The following ACTR3C variants were observed in gnomAD, a reference collection of about 807,000 sequenced individuals.
ACTR3C encodes actin related protein 3C.
Under a neutral mutation model 26.3 loss-of-function variants are expected in ACTR3C, and 18 were observed. That is an observed-to-expected ratio of 0.68 (90% CI 0.47 to 1.01). The LOEUF (loss-of-function observed/expected upper bound fraction) is 1.01, where lower values mean the gene tolerates loss of function less well. Ranked by LOEUF, ACTR3C falls within the 50% of genes least tolerant of loss-of-function variation. The probability of loss-of-function intolerance (pLI) is 0.00; values close to 1 mark genes in which losing one functional copy is unlikely to be tolerated. For synonymous variants in ACTR3C, 55 were observed against 94.5 expected (o/e 0.58, Z 2.42); for missense variants, 184 against 250.7 (o/e 0.73, Z 1.80).
At chr7:150,127,987 T>C in the ACTR3C span, among the ~76,000 whole-genome samples, 1 of 151,280 alleles carries the variant, frequency 6.6e-6, no homozygotes, top group African/African-American at 2.4e-5. Context: ...TAGACTATTT[T>C]ACACATGGCA....
intron 6 of ACTR3C, among the ~76,000 whole-genome samples, chr7:150,253,910 G>A (rs1443272492): frequency 6.9e-6 from 1 of 145,190 alleles, no homozygotes; most frequent in African/African-American, 2.6e-5. Flanking sequence ...TTTTTTTCGT[G>A]TTTTTTTTTT....
At chr7:150,183,578 T>C in the ACTR3C span, among the ~76,000 whole-genome samples, 2 of 149,624 alleles carry the variant, frequency 1.3e-5, no homozygotes, top group African/African-American at 5.1e-5. Flanking sequence ...CACATGTAAG[T>C]TTTAATTGTC....
At chr7:150,029,507 C>T in the ACTR3C span, among the ~76,000 whole-genome samples, 1 of 151,750 alleles carries the variant, frequency 6.6e-6, no homozygotes, top group African/African-American at 2.4e-5. Flanking sequence ...TTCGAGGTTG[C>T]AGTGAGCTAT....
chr7:150,071,165 C>A, the ACTR3C span, among the ~76,000 whole-genome samples: 1 of 151,678 alleles, frequency 6.6e-6, no homozygotes, highest in Non-Finnish European at 1.5e-5. Flanking sequence ...GCTCTGTCAC[C>A]CAGGCTGGAG....
intron 1 of ACTR3C, among the ~76,000 whole-genome samples, chr7:150,315,896 T>C (rs912900685): frequency 1.3e-5 from 2 of 152,162 alleles, no homozygotes; most frequent in Non-Finnish European, 2.9e-5. Flanking sequence ...AGTTTCCTTA[T>C]ATTTAAAAAC....
At chr7:150,180,232 G>C in the ACTR3C span, among the ~76,000 whole-genome samples, 1 of 150,052 alleles carries the variant, frequency 6.7e-6, no homozygotes, top group South Asian at 2.1e-4. Context: ...GTGAACCCGG[G>C]AGGCGGAGCT....
chr7:150,279,903 C>A (rs974947246), intron 6 of ACTR3C, among the ~76,000 whole-genome samples: 1 of 152,104 alleles, frequency 6.6e-6, no homozygotes, highest in South Asian at 2.1e-4. Flanking sequence ...AGACAAGAAC[C>A]GAATCATCTC....
the ACTR3C span, among the ~76,000 whole-genome samples, chr7:150,210,893 A>T: frequency 6.9e-6 from 1 of 144,656 alleles, no homozygotes; most frequent in South Asian, 2.1e-4. Context: ...AGTCAACTAT[A>T]CCTCAATGTA....
chr7:150,094,434 T>C, the ACTR3C span, among the ~76,000 whole-genome samples: 1 of 150,138 alleles, frequency 6.7e-6, no homozygotes, highest in African/African-American at 2.5e-5. Context: ...AAAACATCTG[T>C]GATGTGAGCC....
At chr7:150,002,439 A>C in the ACTR3C span, 1 of 152,154 alleles carries the variant, frequency 6.6e-6, no homozygotes, top group Non-Finnish European at 1.5e-5. Flanking sequence ...CAGGGCCAGC[A>C]CTCTTCCCTA....
At chr7:150,262,566 A>C (rs1477245997) in intron 6 of ACTR3C, among the ~76,000 whole-genome samples, 2 of 152,260 alleles carry the variant, frequency 1.3e-5, no homozygotes, top group African/African-American at 4.8e-5. Flanking sequence ...GATTTTAGGC[A>C]CATAAACTTA....
the ACTR3C span, among the ~76,000 whole-genome samples, chr7:149,904,651 G>C: frequency 0.65 from 85,996 of 132,550 alleles, 30,405 homozygotes; most frequent in East Asian, 0.91. Context: ...TACTCAATTC[G>C]TATCCACGAA....
chr7:150,173,493 G>C, the ACTR3C span, among the ~76,000 whole-genome samples: 1 of 148,166 alleles, frequency 6.7e-6, no homozygotes, highest in South Asian at 2.1e-4. Context: ...TGTGATGGGA[G>C]GAAGTGGCCC....
chr7:150,101,021 A>G, the ACTR3C span, among the ~76,000 whole-genome samples: 1 of 151,588 alleles, frequency 6.6e-6, no homozygotes, highest in Non-Finnish European at 1.5e-5. Flanking sequence ...TTTTTAATGT[A>G]TCTTATTTCT....
the ACTR3C span, among the ~76,000 whole-genome samples, chr7:150,211,610 A>G: frequency 3.0e-3 from 431 of 143,520 alleles, no homozygotes; most frequent in African/African-American, 7.2e-3. Context: ...GGAATATTGT[A>G]AAGTTGGAGC....
chr7:150,063,928 A>G, the ACTR3C span, among the ~76,000 whole-genome samples: 1 of 152,038 alleles, frequency 6.6e-6, no homozygotes, highest in Admixed American at 6.6e-5. Context: ...TGGACACTGA[A>G]GTATGGCAAG....
At chr7:150,147,799 G>T in the ACTR3C span, among the ~76,000 whole-genome samples, 1 of 151,354 alleles carries the variant, frequency 6.6e-6, no homozygotes, top group South Asian at 2.1e-4. Context: ...ACTCAGGCAG[G>T]AATAGGAGTA....
chr7:150,312,151 C>T (rs1796383770), intron 1 of ACTR3C, among the ~76,000 whole-genome samples: 1 of 152,214 alleles, frequency 6.6e-6, no homozygotes, highest in Non-Finnish European at 1.5e-5. Context: ...AATATTCCAG[C>T]CCCCACTCCA....
chr7:150,065,775 G>C, the ACTR3C span, among the ~76,000 whole-genome samples: 1 of 150,474 alleles, frequency 6.6e-6, no homozygotes, highest in East Asian at 1.9e-4. Context: ...TGAATAGATG[G>C]GGTATTTTGA....
Sources: gnomAD v4.1 joint callset for allele counts (sites outside exome capture counted in the v4.1 genomes callset) on GRCh38, gnomAD v4.1.1 for gene constraint, MANE v1.5 for transcripts, NCBI Gene and HGNC (gene_info 2026-07-23, HGNC 2026-07-21) for gene names.